Variants in IQSEC1 observed in about 807,000 individuals in gnomAD.
The protein encoded by IQSEC1 is IQ motif and SEC7 domain-containing protein 1.
A neutral mutation model predicts 91.0 loss-of-function variants in IQSEC1; 31 were observed. The observed-to-expected ratio is 0.34, with a 90% confidence interval of 0.26 to 0.46. The LOEUF (loss-of-function observed/expected upper bound fraction) is 0.46. IQSEC1 is among the 20% of genes least tolerant of loss of function. The pLI is 1.00. For synonymous variants in IQSEC1, 699 were observed against 662.6 expected (o/e 1.05, Z -0.84); for missense variants, 1,388 against 1,575.6 (o/e 0.88, Z 2.02).
intron 1 of IQSEC1, among the ~76,000 whole-genome samples, chr3:13,229,752 C>G (rs1263793022): frequency 6.6e-6 from 1 of 152,224 alleles, no homozygotes; most frequent in Non-Finnish European, 1.5e-5. Context: ...ATCCCCAGGT[C>G]CATCCAGGAG....
intron 13 of IQSEC1, among the ~76,000 whole-genome samples, chr3:12,902,498 C>T: frequency 6.6e-6 from 1 of 151,788 alleles, no homozygotes; most frequent in East Asian, 1.9e-4. Flanking sequence ...AAATCCAGAA[C>T]CACCCCCACT....
chr3:13,071,305 G>C (rs1705417703), intron 1 of IQSEC1, among the ~76,000 whole-genome samples: 1 of 152,108 alleles, frequency 6.6e-6, no homozygotes, highest in South Asian at 2.1e-4. Flanking sequence ...GGGGTTCTTA[G>C]TGCCTGCCCA....
intron 1 of IQSEC1, among the ~76,000 whole-genome samples, chr3:13,182,198 G>A (rs1027632880): frequency 6.6e-6 from 1 of 152,110 alleles, no homozygotes; most frequent in Non-Finnish European, 1.5e-5. Context: ...GGCTTTGTTT[G>A]CCCAGCATCC....
At chr3:13,247,295 G>A (rs1420835812) in intron 1 of IQSEC1, among the ~76,000 whole-genome samples, 1 of 152,136 alleles carries the variant, frequency 6.6e-6, no homozygotes, top group East Asian at 1.9e-4. Context: ...GGATTTCTCT[G>A]CTGCCATTCT....
intron 1 of IQSEC1, among the ~76,000 whole-genome samples, chr3:13,235,295 C>G (rs901338168): frequency 6.6e-6 from 1 of 152,134 alleles, no homozygotes; most frequent in African/African-American, 2.4e-5. Context: ...CCCTCCCCGG[C>G]GCTGGGGTCT....
intron 3 of IQSEC1, among the ~76,000 whole-genome samples, chr3:12,929,534 A>G (rs1000578988): frequency 2.6e-5 from 4 of 152,234 alleles, no homozygotes; most frequent in Non-Finnish European, 5.9e-5. Flanking sequence ...CAGGTTGCCC[A>G]GCAAGATGAT....
At chr3:13,160,877 T>C (rs357171) in intron 2 of IQSEC1, among the ~76,000 whole-genome samples, 137,132 of 152,310 alleles carry the variant, frequency 0.9, 61,977 homozygotes, top group African/African-American at 0.97. Context: ...GTCCTGGGGG[T>C]CTTCCTCTGC....
chr3:13,193,665 G>A lies in IQSEC1; in HGVS notation c.273-29532C>T, dbSNP rs865790474. Among the ~76,000 whole-genome samples, 17 of 152,278 alleles carry A rather than the reference G, an allele frequency of 1.1e-4. No individual in the cohort carries two copies. Among genetic ancestry groups the A allele is most frequent in the Middle Eastern group, 3.4e-3 (1 of 294 alleles). ...TAGGGGTCTAGAACACTTAAGATGC[G>A]GGAAAGAGGCAGTTGGAGACCAAAG... On this transcript the variant is annotated intron_variant, in intron 1 of 15. Transcript: ENST00000648114. The surrounding 1 kb of genome is among the most constrained non-coding windows in gnomAD (Gnocchi z 4.2).
chr3:13,064,002 A>C (rs549770880), intron 1 of IQSEC1, among the ~76,000 whole-genome samples: 10,256 of 46,336 alleles, frequency 0.22, 1,038 homozygotes, highest in African/African-American at 0.38. Context: ...TTGCAGTTGT[A>C]AAAAAAAAAA....
At chr3:13,182,071 G>T (rs1693853175) in intron 1 of IQSEC1, among the ~76,000 whole-genome samples, 1 of 152,168 alleles carries the variant, frequency 6.6e-6, no homozygotes, top group Non-Finnish European at 1.5e-5. Flanking sequence ...CATTCTTGTT[G>T]CCTTGGAACT....
intron 1 of IQSEC1, among the ~76,000 whole-genome samples, chr3:13,227,795 G>C (rs558534722): frequency 1.7e-3 from 263 of 152,310 alleles, no homozygotes; most frequent in African/African-American, 6.0e-3. Flanking sequence ...GGGACTTTCC[G>C]GGAGGCATCT....
chr3:12,949,357 G>T (rs2125408409), intron 1 of IQSEC1, among the ~76,000 whole-genome samples: 1 of 152,358 alleles, frequency 6.6e-6, no homozygotes, highest in South Asian at 2.1e-4. Context: ...CTTCAGAGGG[G>T]GCCGGGCCCC....
intron 1 of IQSEC1, among the ~76,000 whole-genome samples, chr3:13,258,319 C>T (rs947274666): frequency 1.3e-5 from 2 of 152,108 alleles, no homozygotes; most frequent in Non-Finnish European, 2.9e-5. Flanking sequence ...TTTCTGTAAA[C>T]CTAAAGTGCT....
rs936197992 is a variant in IQSEC1 at position 12,940,024 on chromosome 3, A to G, written c.318+1547T>C. On this transcript the variant is annotated intron_variant, in intron 2 of 13. Transcript: ENST00000613206. This position sits in a 1 kb window ranked among gnomAD's most constrained non-coding sequence, Gnocchi z 4.4. ...AATGAAAATGAATAGCTGCAGTCCT[A>G]TTAGGCCCACAGTAAGCATATAATT... Among the ~76,000 whole-genome samples the G allele has an allele frequency of 1.3e-5, 2 of 152,232 alleles. No homozygotes were observed. Among genetic ancestry groups the G allele is most frequent in the African/African-American group, 4.8e-5 (2 of 41,454 alleles).
intron 1 of IQSEC1, among the ~76,000 whole-genome samples, chr3:13,068,461 G>C (rs1247832938): frequency 5.3e-5 from 8 of 152,226 alleles, no homozygotes; most frequent in Middle Eastern, 3.2e-3. Flanking sequence ...CAGTGGCCAG[G>C]CCTCTGAATT....
At chr3:13,178,721 G>GT (rs1476404121) in intron 1 of IQSEC1, among the ~76,000 whole-genome samples, 1 of 152,186 alleles carries the variant, frequency 6.6e-6, no homozygotes, top group East Asian at 1.9e-4. Context: ...ACTGGAAAAA[G>GT]TAACGGCTGA....
chr3:13,277,782 G>A (rs2125155130), intron 1 of IQSEC1, among the ~76,000 whole-genome samples: 1 of 152,256 alleles, frequency 6.6e-6, no homozygotes, highest in East Asian at 1.9e-4. Context: ...TCAGAGATCA[G>A]AAAAGAGCCC....
intron 2 of IQSEC1, among the ~76,000 whole-genome samples, chr3:13,161,771 C>T (rs1359369227): frequency 6.6e-6 from 1 of 152,216 alleles, no homozygotes; most frequent in African/African-American, 2.4e-5. Context: ...ACACAGCCTT[C>T]CCTGCTGGAA....
chr3:13,188,990 C>A (rs1392611406), intron 1 of IQSEC1, among the ~76,000 whole-genome samples: 2 of 152,232 alleles, frequency 1.3e-5, no homozygotes, highest in African/African-American at 4.8e-5. Context: ...GGCAGCACCC[C>A]CTCAGGAGGA....
Sources: allele counts gnomAD v4.1 joint callset (sites outside exome capture counted in the v4.1 genomes callset), GRCh38; gene constraint gnomAD v4.1.1; non-coding constraint Gnocchi (gnomAD v3.1); transcripts MANE v1.5; gene names NCBI Gene and HGNC (gene_info 2026-07-23, HGNC 2026-07-21).